The following LUZP2 variants were observed in gnomAD, a reference collection of about 807,000 sequenced individuals.
The protein encoded by LUZP2 is leucine zipper protein 2.
Under a neutral mutation model 51.6 loss-of-function variants are expected in LUZP2, and 52 were observed. The ratio of observed to expected loss-of-function variants is 1.01; its 90% confidence interval spans 0.81 to 1.27. The LOEUF (loss-of-function observed/expected upper bound fraction) is 1.27. Among genes scored for constraint, LUZP2 ranks in the 50% most tolerant of loss-of-function variants. The pLI is 0.00. For missense variants in LUZP2, 436 were observed against 395.4 expected (o/e 1.10, Z -0.87); for synonymous variants, 154 against 137.3 (o/e 1.12, Z -0.85).
At chr11:25,011,308 C>G (rs77741005) in intron 9 of LUZP2, among the ~76,000 whole-genome samples, 3,163 of 152,248 alleles carry the variant, frequency 0.021, 53 homozygotes, top group South Asian at 0.084. Flanking sequence ...TAAACTTATT[C>G]TATCATGTTG....
chr11:24,838,864 C>T (rs139866373), intron 5 of LUZP2, among the ~76,000 whole-genome samples: 4 of 151,672 alleles, frequency 2.6e-5, no homozygotes, highest in African/African-American at 7.2e-5. Flanking sequence ...CATACTCAGG[C>T]ATTTTGAAGT....
chr11:25,024,481 C>T (rs984038855), intron 9 of LUZP2, among the ~76,000 whole-genome samples: 1 of 152,112 alleles, frequency 6.6e-6, no homozygotes, highest in African/African-American at 2.4e-5. Context: ...GCAAAAATCA[C>T]AAGCATTCCT....
intron 7 of LUZP2, among the ~76,000 whole-genome samples, chr11:24,937,762 G>A (rs531482310): frequency 6.6e-6 from 1 of 152,020 alleles, no homozygotes; most frequent in African/African-American, 2.4e-5. Flanking sequence ...TTAGCCGGGC[G>A]TGGTGGCGGG....
intron 1 of LUZP2, among the ~76,000 whole-genome samples, chr11:24,607,747 G>GT (rs1462682612): frequency 6.6e-6 from 1 of 150,976 alleles, no homozygotes; most frequent in Non-Finnish European, 1.5e-5. Flanking sequence ...CGTTGATTCT[G>GT]TTTTTTCAAA....
chr11:25,072,859 A>AT (rs908710178), intron 10 of LUZP2, among the ~76,000 whole-genome samples: 2 of 151,604 alleles, frequency 1.3e-5, no homozygotes, highest in African/African-American at 4.8e-5. Flanking sequence ...TGAAGCCTAT[A>AT]TTTTCTCAAG....
intron 9 of LUZP2, among the ~76,000 whole-genome samples, chr11:24,984,549 T>TATATATATATATATATAA (rs60530495): frequency 0.12 from 8,684 of 70,682 alleles, 881 homozygotes; most frequent in Non-Finnish European, 0.16. Context: ...TATATATATA[T>TATATATATATATATATAA]AATTGTGAAT....
chr11:24,795,736 T>C (rs948116735), intron 5 of LUZP2, among the ~76,000 whole-genome samples: 7 of 152,062 alleles, frequency 4.6e-5, no homozygotes, highest in African/African-American at 1.7e-4. Flanking sequence ...AGTCTTGAGA[T>C]CAGAGAGCTA....
At chr11:24,658,283 T>A (rs1231218033) in intron 1 of LUZP2, among the ~76,000 whole-genome samples, 1 of 152,132 alleles carries the variant, frequency 6.6e-6, no homozygotes, top group African/African-American at 2.4e-5. Context: ...TATCTACAAC[T>A]ATCTGATCTT....
intron 7 of LUZP2, among the ~76,000 whole-genome samples, chr11:24,957,450 G>GA (rs902678288): frequency 2.8e-4 from 43 of 151,668 alleles, no homozygotes; most frequent in Non-Finnish European, 4.6e-4. Context: ...AGACCTCCAA[G>GA]AAAAAAAATC....
chr11:24,858,507 A>T (rs1385060836), intron 5 of LUZP2, among the ~76,000 whole-genome samples: 1 of 152,128 alleles, frequency 6.6e-6, no homozygotes, highest in Non-Finnish European at 1.5e-5. Flanking sequence ...GAGAAAATGG[A>T]ATGTAAAATA....
At chr11:24,659,010 T>C (rs1453099165) in intron 1 of LUZP2, among the ~76,000 whole-genome samples, 1 of 151,318 alleles carries the variant, frequency 6.6e-6, no homozygotes, top group African/African-American at 2.4e-5. Context: ...GAAGTCAGTG[T>C]GGTGATTCCT....
intron 1 of LUZP2, among the ~76,000 whole-genome samples, chr11:24,710,186 A>C (rs1329975306): frequency 6.6e-6 from 1 of 152,074 alleles, no homozygotes; most frequent in Admixed American, 6.5e-5. Flanking sequence ...CAAAGGAAAA[A>C]AATTAACATA....
chr11:24,746,642 G>T (rs1431960949), intron 4 of LUZP2, among the ~76,000 whole-genome samples: 1 of 152,060 alleles, frequency 6.6e-6, no homozygotes, highest in African/African-American at 2.4e-5. Context: ...CCCCCAAATA[G>T]GTTTTCCAAA....
intron 1 of LUZP2, among the ~76,000 whole-genome samples, chr11:24,597,883 C>G (rs958859659): frequency 2.0e-5 from 3 of 152,230 alleles, no homozygotes; most frequent in East Asian, 3.9e-4. Flanking sequence ...GGGTGGAACA[C>G]TTGAGGTCAG....
intron 5 of LUZP2, among the ~76,000 whole-genome samples, chr11:24,881,259 G>A (rs1248089510): frequency 6.6e-6 from 1 of 151,398 alleles, no homozygotes; most frequent in Admixed American, 6.6e-5. Flanking sequence ...CTGAAGGAAA[G>A]TAAGAGTCAT....
intron 7 of LUZP2, among the ~76,000 whole-genome samples, chr11:24,964,066 G>A (rs1565166791): frequency 6.6e-6 from 1 of 152,172 alleles, no homozygotes; most frequent in African/African-American, 2.4e-5. Context: ...TATTTTCAGT[G>A]TTTTGAGAAA....
At chr11:24,508,251 G>A (rs529177213) in intron 1 of LUZP2, among the ~76,000 whole-genome samples, 41 of 152,132 alleles carry the variant, frequency 2.7e-4, no homozygotes, top group Non-Finnish European at 5.6e-4. Flanking sequence ...TGAAGCTCTG[G>A]AATGGCCTTA....
chr11:24,526,038 T>A (rs1331814774), intron 1 of LUZP2, among the ~76,000 whole-genome samples: 1 of 151,430 alleles, frequency 6.6e-6, no homozygotes, highest in African/African-American at 2.4e-5. Flanking sequence ...ACTGAGGTAC[T>A]TTCAATATTT....
At chr11:24,600,517 G>T (rs1590225140) in intron 1 of LUZP2, among the ~76,000 whole-genome samples, 1 of 152,138 alleles carries the variant, frequency 6.6e-6, no homozygotes, top group African/African-American at 2.4e-5. Context: ...TGCCATTTCT[G>T]GTTATTTCAT....
Sources: allele counts gnomAD v4.1 joint callset (sites outside exome capture counted in the v4.1 genomes callset), GRCh38; gene constraint gnomAD v4.1.1; transcripts MANE v1.5; gene names NCBI Gene and HGNC (gene_info 2026-07-23, HGNC 2026-07-21).